SUMF1: variants seen among roughly 807,000 people sequenced by gnomAD.
SUMF1 encodes sulfatase modifying factor 1, also known as formylglycine-generating enzyme.
SUMF1 carries 48 observed loss-of-function variants against 47.6 expected under a neutral mutation model. That is an observed-to-expected ratio of 1.01 (90% confidence interval 0.80 to 1.28). The LOEUF (loss-of-function observed/expected upper bound fraction) is 1.28, where lower values mean the gene tolerates loss of function less well. Among genes scored for constraint, SUMF1 ranks in the 50% most tolerant of loss-of-function variants. The pLI is 0.00. For missense variants in SUMF1, 571 were observed against 485.4 expected (o/e 1.18, Z -1.66); for synonymous variants, 230 against 192.1 (o/e 1.20, Z -1.63).
chr3:4,052,875 C>A (rs1239909692), intron 9 of SUMF1, among the ~76,000 whole-genome samples: 2 of 152,146 alleles, frequency 1.3e-5, no homozygotes, highest in African/African-American at 2.4e-5. Context: ...TCCATCCAGA[C>A]CACTCAAACA....
chr3:4,288,456 C>T (rs1303374433), intron 8 of SUMF1, among the ~76,000 whole-genome samples: 1 of 151,868 alleles, frequency 6.6e-6, no homozygotes, highest in African/African-American at 2.4e-5. Context: ...TGAAACAGCT[C>T]TTCCCGTTGA....
At chr3:4,368,804 C>A (rs542805735) in intron 8 of SUMF1, among the ~76,000 whole-genome samples, 2 of 152,190 alleles carry the variant, frequency 1.3e-5, no homozygotes, top group African/African-American at 4.8e-5. Flanking sequence ...CCTCCACATG[C>A]CAAAAATAAC....
At chr3:4,237,581 A>G (rs553703798) in intron 8 of SUMF1, among the ~76,000 whole-genome samples, 35 of 152,150 alleles carry the variant, frequency 2.3e-4, no homozygotes, top group African/African-American at 8.4e-4. Flanking sequence ...TCTGTCACTT[A>G]TCATTCTCTT....
chr3:4,220,372 C>T (rs1696034176), intron 8 of SUMF1, among the ~76,000 whole-genome samples: 1 of 152,104 alleles, frequency 6.6e-6, no homozygotes, highest in Non-Finnish European at 1.5e-5. Context: ...TAGCGATGTC[C>T]AAAGCATTTC....
rs369214752 is a variant in SUMF1 at position 4,235,549 on chromosome 3, G to A, written c.1014+140781C>T. ...TAACCATTATACAACTCTAAATTAC[G>A]CAAGTGCTAAAAATTATAATTAGGA... is the stretch of plus-strand genomic sequence containing the variant. On this transcript the variant is annotated intron_variant and NMD_transcript_variant, in intron 8 of 12. Transcript: ENST00000448413. Among the ~76,000 whole-genome samples, 48 of 152,096 alleles carry A rather than the reference G, an allele frequency of 3.2e-4. No individual in the cohort carries two copies. The East Asian group carries it at 3.9e-3, about 12-fold the overall frequency.
chr3:4,453,094 GGTGTACCT>G, intron 1 of SUMF1, 45 bp from the exon 2 acceptor site: 14 of 1,579,750 alleles, frequency 8.9e-6, no homozygotes, highest in African/African-American at 1.3e-5. Flanking sequence ...TCACAGCCAA[GGTGTACCT>G]GTGTAGGGGT....
chr3:4,369,862 A>G (rs1230407357), intron 8 of SUMF1, among the ~76,000 whole-genome samples: 2 of 152,166 alleles, frequency 1.3e-5, no homozygotes, highest in African/African-American at 2.4e-5. Flanking sequence ...GGAAGTTGAG[A>G]GGATAGCAAG....
chr3:4,332,830 C>T (rs780060468), intron 8 of SUMF1, among the ~76,000 whole-genome samples: 31 of 152,124 alleles, frequency 2.0e-4, no homozygotes, highest in Non-Finnish European at 4.3e-4. Flanking sequence ...TGTTTTAGTA[C>T]TCGAAAAGTT....
intron 8 of SUMF1, among the ~76,000 whole-genome samples, chr3:4,204,083 G>A (rs192723878): frequency 1.3e-5 from 2 of 151,892 alleles, no homozygotes; most frequent in Non-Finnish European, 2.9e-5. Flanking sequence ...TGAGTTTTGT[G>A]CCTTCAGATG....
intron 8 of SUMF1, among the ~76,000 whole-genome samples, chr3:4,342,845 T>C (rs964641032): frequency 5.3e-5 from 8 of 152,224 alleles, no homozygotes; most frequent in South Asian, 2.1e-4. Flanking sequence ...CAGGAGCAGC[T>C]GTCCTAAAGT....
At chr3:4,351,018 T>C (rs545238764) in intron 8 of SUMF1, among the ~76,000 whole-genome samples, 12 of 152,146 alleles carry the variant, frequency 7.9e-5, no homozygotes, top group South Asian at 6.2e-4. Flanking sequence ...TAAAACCACT[T>C]TGAGCTACCA....
At chr3:4,220,979 C>T (rs983285893) in intron 8 of SUMF1, among the ~76,000 whole-genome samples, 1 of 152,086 alleles carries the variant, frequency 6.6e-6, no homozygotes, top group African/African-American at 2.4e-5. Context: ...TATAAATTGG[C>T]TTAGCTACTT....
intron 8 of SUMF1, among the ~76,000 whole-genome samples, chr3:4,247,196 C>G (rs1014853916): frequency 2.6e-5 from 4 of 152,260 alleles, no homozygotes; most frequent in South Asian, 2.1e-4. Flanking sequence ...AAACCAGAGT[C>G]AAGGCCAAGT....
At chr3:4,439,784 A>T (rs1288488362) in intron 3 of SUMF1, among the ~76,000 whole-genome samples, 4 of 151,678 alleles carry the variant, frequency 2.6e-5, no homozygotes, top group Non-Finnish European at 2.9e-5. Flanking sequence ...CTGGTCTCAA[A>T]CTCCTGGCCT....
At chr3:4,370,269 C>G (rs995356366) in intron 8 of SUMF1, among the ~76,000 whole-genome samples, 1 of 152,162 alleles carries the variant, frequency 6.6e-6, no homozygotes, top group Admixed American at 6.6e-5. Context: ...TTTGGGGTAA[C>G]TGGCTTCCTC....
At chr3:4,312,714 A>AAC (rs1553553376) in intron 8 of SUMF1, among the ~76,000 whole-genome samples, 2 of 151,590 alleles carry the variant, frequency 1.3e-5, no homozygotes, top group Non-Finnish European at 2.9e-5. Context: ...AAAAAAAAAA[A>AAC]AAAAAAACTT....
intron 8 of SUMF1, among the ~76,000 whole-genome samples, chr3:4,370,994 G>A (rs191263362): frequency 1.8e-3 from 267 of 152,244 alleles, no homozygotes; most frequent in African/African-American, 5.8e-3. Context: ...TTAGTGTTGC[G>A]AGGTCAGGGC....
intron 8 of SUMF1, among the ~76,000 whole-genome samples, chr3:4,133,622 G>C (rs1189136235): frequency 3.3e-5 from 5 of 152,058 alleles, no homozygotes; most frequent in African/African-American, 4.8e-5. Context: ...TGTGAAAAGA[G>C]AGACTGGCCT....
At chr3:4,277,027 C>G (rs572521671) in intron 8 of SUMF1, among the ~76,000 whole-genome samples, 37 of 152,200 alleles carry the variant, frequency 2.4e-4, no homozygotes, top group African/African-American at 8.7e-4. Context: ...CATTTTAGAT[C>G]TGGAAGACTT....
Sources: gnomAD v4.1 joint callset for allele counts (sites outside exome capture counted in the v4.1 genomes callset) on GRCh38, gnomAD v4.1.1 for gene constraint, MANE v1.5 for transcripts, NCBI Gene and HGNC (gene_info 2026-07-23, HGNC 2026-07-21) for gene names.